Variants in BRI3 observed in about 807,000 individuals in gnomAD.
BRI3 encodes the protein brain protein I3.
In BRI3, 6 loss-of-function variants were observed where a neutral mutation model predicts 12.8. The observed-to-expected ratio is 0.47, with a 90% confidence interval of 0.26 to 0.93. The LOEUF (loss-of-function observed/expected upper bound fraction) is 0.93. Ranked by LOEUF, BRI3 falls within the 40% of genes least tolerant of loss-of-function variation. The pLI, the probability that BRI3 is intolerant of heterozygous loss-of-function variation, is 0.15. For synonymous variants in BRI3, 91 were observed against 76.1 expected (o/e 1.20, Z -1.02); for missense variants, 134 against 171.1 (o/e 0.78, Z 1.21).
intron 2 of BRI3, among the ~76,000 whole-genome samples, chr7:98,286,322 C>T (rs1159819849): frequency 2.6e-5 from 4 of 152,186 alleles, no homozygotes; most frequent in Non-Finnish European, 4.4e-5. Context: ...GGGCCCAGCT[C>T]TGAGTGGATG....
At chr7:98,292,822 G>C, downstream of BRI3, 1 of 1,484,636 alleles carries the variant, frequency 6.7e-7, no homozygotes, top group South Asian at 1.4e-5. Context: ...TGGATGGGCC[G>C]TGTGCAGCGA....
chr7:98,302,216 G>A (rs1301386972), upstream of BRI3, among the ~76,000 whole-genome samples: 1 of 152,138 alleles, frequency 6.6e-6, no homozygotes, highest in Non-Finnish European at 1.5e-5. Flanking sequence ...TAAGAATGGC[G>A]GCGACAGTAC....
chr7:98,282,814 C>T (rs77909254), intron 2 of BRI3: 3,229 of 222,386 alleles, frequency 0.015, 114 homozygotes, highest in African/African-American at 0.069. Context: ...CTTCACTTTC[C>T]GCAAGTTTAC....
In BRI3 at chr7:98,291,474, A is replaced by G. The variant is rs957243173; in HGVS notation, c.*231A>G. ...CTGCTTTTATTTTTTGCAGTCTTCA[A>G]TTTGAGAAAGGTGAGAAATAATGTT... is the stretch of plus-strand genomic sequence containing the variant. On this transcript the variant is annotated 3_prime_UTR_variant, in exon 3 of 3. Transcript: ENST00000297290. 7.4e-6 allele frequency: 10 copies of G among 1,356,778 alleles called. No homozygotes were observed. The highest frequency in any genetic ancestry group is 3.0e-5 in the East Asian group (1 of 33,422). The allele number at this position is 1,356,778 out of a possible 1,614,324, so 84.0% of individuals were successfully genotyped here.
chr7:98,302,652 G>T (rs1800476389), upstream of BRI3, among the ~76,000 whole-genome samples: 1 of 152,184 alleles, frequency 6.6e-6, no homozygotes, highest in Admixed American at 6.5e-5. Flanking sequence ...ACAAATGACT[G>T]GTTCTTCTAC....
chr7:98,307,414 AT>A (rs1208248755), intron 1 of BRI3: 104 of 1,279,044 alleles, frequency 8.1e-5, no homozygotes, highest in Non-Finnish European at 9.8e-5. Flanking sequence ...CAAATGCTAA[AT>A]TTTTTTTAAA....
rs557262739 is a variant in BRI3, at chr7:98,291,245, G to T, written c.*2G>T. 3.5e-5 allele frequency: 57 copies of T among 1,612,826 alleles called. No individual in the cohort carries two copies. In the Middle Eastern group the frequency reaches 8.1e-4, roughly 23 times the overall value. On this transcript the variant is annotated 3_prime_UTR_variant, in exon 3 of 3. Coordinates refer to ENST00000297290, the MANE Select transcript of BRI3 (RefSeq NM_015379.5). The stretch of plus-strand genomic sequence containing the variant: ...AACTGTGGAGCCACCTTCGCTTAAA[G>T]GGAACACCAGGCCCGGCTTTCCTAC...
At chr7:98,297,751 C>T (rs117171948), downstream of BRI3, among the ~76,000 whole-genome samples, 22 of 152,326 alleles carry the variant, frequency 1.4e-4, 1 homozygote, top group East Asian at 3.1e-3. Flanking sequence ...CATGTTGTGA[C>T]GCAAACGAAG....
At chr7:98,311,892 CAAGA>C (rs1800886275), downstream of BRI3, among the ~76,000 whole-genome samples, 3 of 152,096 alleles carry the variant, frequency 2.0e-5, no homozygotes, top group African/African-American at 7.2e-5. Context: ...GGCGACAGAG[CAAGA>C]AAGACTCCAC....
upstream of BRI3, among the ~76,000 whole-genome samples, chr7:98,301,686 C>G (rs1004086080): frequency 6.6e-6 from 1 of 151,744 alleles, no homozygotes; most frequent in Non-Finnish European, 1.5e-5. Context: ...TGCACACGCG[C>G]GTCTGTGTGT....
At chr7:98,292,869 T>C, downstream of BRI3, 5 of 1,445,310 alleles carry the variant, frequency 3.5e-6, no homozygotes, top group Admixed American at 2.7e-5. Flanking sequence ...GAAAAGGAGC[T>C]CTCGGAGGAG....
chr7:98,291,070 G>T (rs1799927586), intron 2 of BRI3, 41 bp from the exon 3 acceptor site: 1 of 1,612,206 alleles, frequency 6.2e-7, no homozygotes. Context: ...TGGCTGCCCG[G>T]GTCCTTACGG....
intron 2 of BRI3, among the ~76,000 whole-genome samples, chr7:98,283,873 G>A (rs1799618117): frequency 6.6e-6 from 1 of 152,240 alleles, no homozygotes; most frequent in African/African-American, 2.4e-5. Flanking sequence ...ACCAGCGGCA[G>A]CGAGGGATGG....
intron 2 of BRI3, among the ~76,000 whole-genome samples, chr7:98,286,266 CCT>C (rs1237105125): frequency 1.3e-5 from 2 of 152,224 alleles, no homozygotes; most frequent in Non-Finnish European, 2.9e-5. Context: ...CTGCCAGCCC[CCT>C]CTGTCCTTGG....
At position 98,291,371 on chromosome 7, in the gene BRI3, C is replaced by T. The variant is rs915802849; in HGVS notation, c.*128C>T. On this transcript the variant is annotated 3_prime_UTR_variant, in exon 3 of 3. Coordinates refer to ENST00000297290, the MANE Select transcript of BRI3 (RefSeq NM_015379.5). ...AGCGAGGTGGGACCGATGTGGCACA[C>T]GCCAGCTGCGGTTTCCCGGAGCGTG... 1.8e-5 allele frequency: 27 copies of T among 1,493,054 alleles called. 1 individual carries two copies. Among genetic ancestry groups the T allele is most frequent in the South Asian group, 1.1e-4 (8 of 73,348 alleles). The allele number at this position is 1,493,054 out of a possible 1,614,324, so 92.5% of individuals were successfully genotyped here.
intron 2 of BRI3, among the ~76,000 whole-genome samples, chr7:98,289,805 G>A (rs910375355): frequency 2.6e-5 from 4 of 152,210 alleles, no homozygotes; most frequent in Non-Finnish European, 5.9e-5. Context: ...GAGCTGAGCT[G>A]AGCACTAGGC....
rs867982825 is a variant in BRI3 at position 98,291,197 on chromosome 7, C to T, written c.332C>T (p.Ala111Val). The T allele has an allele frequency of 6.2e-7, 1 of 1,613,978 alleles. No homozygotes were observed. The highest frequency in any genetic ancestry group is 1.1e-5 in the South Asian group (1 of 91,070). Residue 111 changes from alanine to valine, a missense_variant, in exon 3 of 3, where the codon GCC (alanine) becomes GTC (valine). Transcript: ENST00000297290. ...LFPFGFICCF[A>V]LRKRRCPNCG... ...CCCTTTGGGTTCATTTGCTGTTTTG[C>T]CTTGAGGAAGCGACGATGCCCCAAC... is the stretch of plus-strand genomic sequence containing the variant.
chr7:98,299,351 T>A (rs1800324563), intron 1 of BRI3, among the ~76,000 whole-genome samples: 1 of 151,610 alleles, frequency 6.6e-6, no homozygotes, highest in African/African-American at 2.4e-5. Flanking sequence ...ATAGACGAGG[T>A]CCCACTATAT....
rs1256739149 is a variant in BRI3, at chr7:98,291,301, G to A, written c.*58G>A. ...GCTCTCTTTTTCTAATGTAAATGTT[G>A]TGTACAATAATTTTATTTGATTAAG... On this transcript the variant is annotated 3_prime_UTR_variant, in exon 3 of 3. Transcript: ENST00000297290. The A allele has an allele frequency of 4.4e-6, 7 of 1,601,510 alleles. No homozygotes were observed. The highest frequency in any genetic ancestry group is 1.3e-5 in the African/African-American group (1 of 74,356).
Sources: allele counts gnomAD v4.1 joint callset (sites outside exome capture counted in the v4.1 genomes callset), GRCh38; gene constraint gnomAD v4.1.1; transcripts MANE v1.5; gene names NCBI Gene and HGNC (gene_info 2026-07-23, HGNC 2026-07-21).